The following OLFML2A variants were observed in gnomAD, a reference collection of about 807,000 sequenced individuals.
OLFML2A encodes the protein olfactomedin like 2A, also known as olfactomedin-like protein 2A.
Under a neutral mutation model 60.9 loss-of-function variants are expected in OLFML2A, and 47 were observed. The observed-to-expected ratio is 0.77, with a 90% CI of 0.61 to 0.98. The LOEUF (loss-of-function observed/expected upper bound fraction) is 0.98, where lower values mean the gene tolerates loss of function less well. Ranked by LOEUF, OLFML2A falls within the 50% of genes least tolerant of loss-of-function variation. The pLI is 0.00. For missense variants in OLFML2A, 922 were observed against 879.8 expected (o/e 1.05, Z -0.61); for synonymous variants, 372 against 375.0 (o/e 0.99, Z 0.09).
In OLFML2A at chr9:124,798,691, C is replaced by T. The variant is rs1354854188; in HGVS notation, c.463-594C>T. On this transcript the variant is annotated intron_variant, in intron 3 of 7. Coordinates refer to ENST00000373580, the MANE Select transcript of OLFML2A (RefSeq NM_182487.4). ...TCTATTAAAAACACAAAAAATTAGC[C>T]GGGCATGTGGTGGGTGCCTGTAGTC... Among the ~76,000 whole-genome samples, 19 of 141,920 alleles carry T rather than the reference C, an allele frequency of 1.3e-4. No homozygotes were observed. The East Asian group carries it at 2.2e-3, about 17-fold the overall frequency. 93.1% of individuals were successfully genotyped at this position (141,920 alleles called of 152,430 possible). A position where few individuals can be genotyped will look rare whatever the true frequency, so the allele number is the denominator to read the frequency against.
rs534956386 is a variant in OLFML2A, at chr9:124,778,712, G to A, written c.90+1352G>A. The stretch of plus-strand genomic sequence containing the variant: ...CTCGGGAGGCTGAAGCAGGAGAATC[G>A]CTTGAACCCAGCAGGCGGAGGTTGC... On this transcript the variant is annotated intron_variant, in intron 1 of 7. Coordinates refer to ENST00000373580, the MANE Select transcript of OLFML2A (RefSeq NM_182487.4). Among the ~76,000 whole-genome samples the A allele has an allele frequency of 1.4e-4, 22 of 152,060 alleles. No individual in the cohort carries two copies. The South Asian group carries it at 2.9e-3, about 20-fold the overall frequency.
chr9:124,799,952 G>A (rs1263892480), intron 4 of OLFML2A, among the ~76,000 whole-genome samples: 1 of 152,148 alleles, frequency 6.6e-6, no homozygotes, highest in African/African-American at 2.4e-5. Context: ...AACCCACCCT[G>A]GGGTACAGAA....
At chr9:124,782,181 G>A (rs776757056) in intron 1 of OLFML2A, among the ~76,000 whole-genome samples, 12 of 152,234 alleles carry the variant, frequency 7.9e-5, no homozygotes, top group Admixed American at 5.9e-4. Context: ...AATTGCTCAG[G>A]GAGAAGCCCC....
intron 7 of OLFML2A, among the ~76,000 whole-genome samples, chr9:124,809,395 G>T (rs767551151): frequency 3.9e-5 from 6 of 152,078 alleles, no homozygotes; most frequent in Admixed American, 2.0e-4. Context: ...AGGGAGGTCA[G>T]TGAAGGTTTC....
chr9:124,798,373 G>T (rs538633039), intron 3 of OLFML2A, among the ~76,000 whole-genome samples: 1 of 151,962 alleles, frequency 6.6e-6, no homozygotes, highest in African/African-American at 2.4e-5. Context: ...ATGGAGGCAC[G>T]CGCCTGTAGT....
At chr9:124,778,360 CAAAAAAAAAAAGA>C (rs1446597814) in intron 1 of OLFML2A, among the ~76,000 whole-genome samples, 6 of 115,774 alleles carry the variant, frequency 5.2e-5, no homozygotes, top group Non-Finnish European at 1.8e-5. Flanking sequence ...GACTCCGTGT[CAAAAAAAAAAAGA>C]AAAAAAAAAA....
At chr9:124,808,253 G>A (rs1328094357) in intron 7 of OLFML2A, among the ~76,000 whole-genome samples, 1 of 152,214 alleles carries the variant, frequency 6.6e-6, no homozygotes, top group Non-Finnish European at 1.5e-5. Flanking sequence ...ACCATCAAGG[G>A]GCCAATACTG....
intron 6 of OLFML2A, among the ~76,000 whole-genome samples, chr9:124,807,484 T>C (rs1841919753): frequency 6.6e-6 from 1 of 152,100 alleles, no homozygotes; most frequent in African/African-American, 2.4e-5. Flanking sequence ...GGTTTCACCA[T>C]GTTGCCCGGG....
At chr9:124,793,449 G>T (rs547067436) in intron 2 of OLFML2A, among the ~76,000 whole-genome samples, 5 of 152,158 alleles carry the variant, frequency 3.3e-5, no homozygotes, top group Non-Finnish European at 7.3e-5. Flanking sequence ...CCATTTCCCC[G>T]TCTGACCATG....
chr9:124,798,699 T>C (rs1422048177), intron 3 of OLFML2A, among the ~76,000 whole-genome samples: 1 of 137,890 alleles, frequency 7.3e-6, no homozygotes, highest in African/African-American at 2.8e-5. Context: ...GCCGGGCATG[T>C]GGTGGGTGCC....
Position 124,807,861 on chromosome 9 carries a change from G to C in OLFML2A, c.1249G>C (p.Ala417Pro). ...CCACAGCTATGGGCGCCACGAGGGAGCCTGGATGAAGGACCCTGCAGCTCG... is the reference window on the plus strand; with the variant it reads ...CCACAGCTATGGGCGCCACGAGGGACCCTGGATGAAGGACCCTGCAGCTCG... ...RHHSYGRHEG[A>P]WMKDPAARDD... The change falls in exon 7 of 8, where the codon GCC (alanine) becomes CCC (proline). Residue 417 changes from alanine (A) to proline (P), a missense_variant. Physicochemically the swap from Ala to Pro is conservative, Grantham distance 27. Coordinates refer to ENST00000373580, the MANE Select transcript of OLFML2A (RefSeq NM_182487.4). 1 of 1,614,130 alleles carries C rather than the reference G, an allele frequency of 6.2e-7. No individual in the cohort carries two copies.
intron 1 of OLFML2A, 50 bp from the exon 2 acceptor site, chr9:124,786,925 A>T: frequency 6.4e-7 from 1 of 1,563,988 alleles, no homozygotes; most frequent in Non-Finnish European, 8.7e-7. Flanking sequence ...TCCCTGCCAT[A>T]GCACTGCCTA....
chr9:124,782,762 CT>C (rs1841384610), intron 1 of OLFML2A, among the ~76,000 whole-genome samples: 1 of 152,200 alleles, frequency 6.6e-6, no homozygotes, highest in African/African-American at 2.4e-5. Flanking sequence ...GAGGTAGCAC[CT>C]CATCTGAGGA....
At position 124,809,839 on chromosome 9, in the gene OLFML2A, C is replaced by T; in HGVS notation, c.1386C>T (p.Tyr462=). Residue 462 remains tyrosine (Y), a synonymous_variant, in exon 8 of 8, where the codon TAC becomes TAT. Transcript: ENST00000373580. ...GRWSNMYKLP[Y]NWIGTGHVVY... is the part of the protein sequence containing the mutation. ...GGAGTAACATGTACAAGCTACCCTA[C>T]AACTGGATCGGCACAGGCCACGTGG... The T allele has an allele frequency of 6.2e-7, 1 of 1,612,694 alleles. No individual in the cohort carries two copies. The highest frequency in any genetic ancestry group is 8.5e-7 in the Non-Finnish European group (1 of 1,179,122).
At chr9:124,783,047 T>G (rs945918413) in intron 1 of OLFML2A, among the ~76,000 whole-genome samples, 1 of 151,378 alleles carries the variant, frequency 6.6e-6, no homozygotes, top group Admixed American at 6.6e-5. Context: ...ACTGTTGGTG[T>G]TCACAGGCAG....
chr9:124,788,679 G>T (rs1588880651), intron 2 of OLFML2A, among the ~76,000 whole-genome samples: 1 of 152,102 alleles, frequency 6.6e-6, no homozygotes, highest in South Asian at 2.1e-4. Flanking sequence ...CCACCTCTGG[G>T]CAACACAGCC....
At chr9:124,807,201 G>A (rs2131278860) in intron 6 of OLFML2A, among the ~76,000 whole-genome samples, 1 of 152,078 alleles carries the variant, frequency 6.6e-6, no homozygotes, top group Non-Finnish European at 1.5e-5. Flanking sequence ...TGGGATTACA[G>A]GTGTGAGTCA....
intron 5 of OLFML2A, among the ~76,000 whole-genome samples, chr9:124,803,890 G>A (rs1247288174): frequency 6.6e-6 from 1 of 152,192 alleles, no homozygotes; most frequent in Non-Finnish European, 1.5e-5. Flanking sequence ...AGGCCACCTG[G>A]CTGGGTTTAG....
chr9:124,786,900 C>T, intron 1 of OLFML2A, 75 bp from the exon 2 acceptor site: 1 of 1,500,276 alleles, frequency 6.7e-7, no homozygotes, highest in Non-Finnish European at 9.1e-7. Flanking sequence ...CTGGCTTCTG[C>T]CATCTCTCCC....
Sources: gnomAD v4.1 joint callset for allele counts (sites outside exome capture counted in the v4.1 genomes callset) on GRCh38, gnomAD v4.1.1 for gene constraint, MANE v1.5 for transcripts, NCBI Gene and HGNC (gene_info 2026-07-23, HGNC 2026-07-21) for gene names.